OR52N5: variants seen among roughly 807,000 people sequenced by gnomAD.
The protein encoded by OR52N5 is olfactory receptor family 52 subfamily N member 5, also known as olfactory receptor 52N5.
Under a neutral mutation model 14.1 loss-of-function variants are expected in OR52N5, and 10 were observed. The ratio of observed to expected loss-of-function variants is 0.71; its 90% CI spans 0.44 to 1.20. OR52N5 has a LOEUF of 1.20. Among genes scored for constraint, OR52N5 ranks in the 50% most tolerant of loss-of-function variants. OR52N5 has a pLI of 0.00. For synonymous variants in OR52N5, 116 were observed against 143.0 expected (o/e 0.81, Z 1.35); for missense variants, 361 against 403.2 (o/e 0.90, Z 0.90).
chr11:5,782,980 C>G lies in OR52N5; in HGVS notation c.-248+315G>C, dbSNP rs780442003. ...ACAGTAAAGTTCTTACTGTCCACTTCTCTGACCCTGGCATTACAGCACATA... is the reference window on the plus strand; with the variant it reads ...ACAGTAAAGTTCTTACTGTCCACTTGTCTGACCCTGGCATTACAGCACATA... On this transcript the variant is annotated intron_variant, in intron 1 of 2. Coordinates refer to ENST00000641181, the MANE Select transcript of OR52N5 (RefSeq NM_001385662.1). Among the ~76,000 whole-genome samples, 13 of 138,068 alleles carry G rather than the reference C, an allele frequency of 9.4e-5. 4 individuals carry two copies. The highest frequency in any genetic ancestry group is 1.8e-4 in the Non-Finnish European group (11 of 62,812). The allele number at this position is 138,068 out of a possible 152,430, so 90.6% of individuals were successfully genotyped here. A position where few individuals can be genotyped will look rare whatever the true frequency, so the allele number is the denominator to read the frequency against.
At position 5,776,282 on chromosome 11, in the gene OR52N5, G is replaced by A. The variant is rs187786432; in HGVS notation, c.*1378C>T. 449 of 140,036 alleles carry A rather than the reference G, an allele frequency of 3.2e-3. 70 individuals carry two copies. The highest frequency in any genetic ancestry group is 0.011 in the African/African-American group (424 of 38,422). 8.7% of individuals were successfully genotyped at this position (140,036 alleles called of 1,614,324 possible). ...GGAAATGAAATAACTAACAAATGAA[G>A]CATGAATGAATGAATCAGTGAATCA... On this transcript the variant is annotated 3_prime_UTR_variant, in exon 3 of 3. Transcript: ENST00000641181.
Position 5,778,100 on chromosome 11 carries a change from G to C in OR52N5, c.535C>G (p.Gln179Glu), listed in dbSNP as rs548793190. The C allele has an allele frequency of 9.9e-6, 15 of 1,519,546 alleles. 3 individuals are homozygous for C. In the South Asian group the frequency reaches 1.7e-4, roughly 18 times the overall value. The allele number at this position is 1,519,546 out of a possible 1,614,324, so 94.1% of individuals were successfully genotyped here. The change falls in exon 3 of 3, where the codon CAA becomes GAA. Residue 179 changes from glutamine (Q) to glutamate (E), a missense_variant. By Grantham distance (29) the Gln-to-Glu change is conservative. Coordinates refer to ENST00000641181, the MANE Select transcript of OR52N5 (RefSeq NM_001385662.1). ...TACGTATGGGAGATAATATTGCTTT[G>C]GCAGAAAGGCAAACGCTTAACCAAG... The part of the protein sequence containing the change: ...PFLVKRLPFC[Q>E]SNIISHTYCD...
chr11:5,778,440 A>T lies in OR52N5; in HGVS notation c.195T>A (p.His65Gln), dbSNP rs1198335138. 6.6e-7 allele frequency: 1 copy of T among 1,512,318 alleles called. No homozygotes were observed. Among genetic ancestry groups the T allele is most frequent in the South Asian group, 1.2e-5 (1 of 85,644 alleles). 93.7% of individuals were successfully genotyped at this position (1,512,318 alleles called of 1,614,324 possible). Residue 65 changes from histidine (H) to glutamine (Q), a missense_variant, in exon 3 of 3, where the codon CAT becomes CAA. Transcript: ENST00000641181. ...YLIYYEESLH[H>Q]PMYFFFGHAL... ...CATGGCCAAAAAAAAAATACATCGG[A>T]TGATGTAAGGACTCCTCATAATAAA...
Position 5,778,116 on chromosome 11 carries a change from C to G in OR52N5, c.519G>C (p.Lys173Asn). ...TATTGCTTTGGCAGAAAGGCAAACG[C>G]TTAACCAAGAATGGGAAAGGAATCA... is the stretch of plus-strand genomic sequence containing the variant. ...LLMIPFPFLV[K>N]RLPFCQSNII... is the part of the protein sequence containing the mutation. The change falls in exon 3 of 3, where the codon AAG becomes AAC. Residue 173 changes from lysine to asparagine, a missense_variant. Transcript: ENST00000641181. 3 of 1,521,194 alleles carry G rather than the reference C, an allele frequency of 2.0e-6. No homozygotes were observed. The highest frequency in any genetic ancestry group is 1.8e-6 in the Non-Finnish European group (2 of 1,114,404). 94.2% of individuals were successfully genotyped at this position (1,521,194 alleles called of 1,614,324 possible).
chr11:5,782,857 G>A (rs768001818), intron 1 of OR52N5, among the ~76,000 whole-genome samples: 1 of 139,046 alleles, frequency 7.2e-6, no homozygotes, highest in South Asian at 2.4e-4. Context: ...ACTCCAAGTT[G>A]TATGACCCAA....
At position 5,778,364 on chromosome 11, in the gene OR52N5, G is replaced by A; in HGVS notation, c.271C>T (p.Leu91Phe). 1 of 1,520,316 alleles carries A rather than the reference G, an allele frequency of 6.6e-7. No individual in the cohort carries two copies. Among genetic ancestry groups the A allele is most frequent in the Non-Finnish European group, 9.0e-7 (1 of 1,114,252 alleles). The allele number at this position is 1,520,316 out of a possible 1,614,324, so 94.2% of individuals were successfully genotyped here. The change falls in exon 3 of 3, where the codon CTC becomes TTC. Residue 91 changes from leucine to phenylalanine, a missense_variant. Physicochemically the swap from Leu to Phe is conservative, Grantham distance 22. Transcript: ENST00000641181. ...LTCTTTLPNA[L>F]CIFWFSLKEI... The stretch of plus-strand genomic sequence containing the variant: ...TTGAGACTGAACCAGAAGATGCAGA[G>A]TGCATTGGGTAGAGTGGTGGTGCAG...
chr11:5,778,124 A>G lies in OR52N5; in HGVS notation c.511T>C (p.Leu171=), dbSNP rs1267181500. 1.3e-6 allele frequency: 2 copies of G among 1,521,380 alleles called. No homozygotes were observed. The highest frequency in any genetic ancestry group is 1.2e-5 in the South Asian group (1 of 85,872). The allele number at this position is 1,521,380 out of a possible 1,614,324, so 94.2% of individuals were successfully genotyped here. The change falls in exon 3 of 3, where the codon TTG becomes CTG. Residue 171 remains leucine (L), a synonymous_variant. Transcript: ENST00000641181. ...GVLLMIPFPF[L]VKRLPFCQSN... The stretch of plus-strand genomic sequence containing the variant: ...TGGCAGAAAGGCAAACGCTTAACCA[A>G]GAATGGGAAAGGAATCATCAGCAAT...
rs1328362036 is a variant in OR52N5, at chr11:5,778,005, C to A, written c.630G>T (p.Met210Ile). The A allele has an allele frequency of 2.6e-6, 4 of 1,520,352 alleles. 1 individual carries two copies. Among genetic ancestry groups the A allele is most frequent in the East Asian group, 2.3e-5 (1 of 42,860 alleles). 94.2% of individuals were successfully genotyped at this position (1,520,352 alleles called of 1,614,324 possible). The change falls in exon 3 of 3, where the codon ATG (methionine) becomes ATT (isoleucine). Residue 210 changes from methionine (M) to isoleucine (I), a missense_variant. Met to Ile is a conservative substitution (Grantham distance 10, BLOSUM62 1). Coordinates refer to ENST00000641181, the MANE Select transcript of OR52N5 (RefSeq NM_001385662.1). ...CAAACACTCCAATCAGGAGAGCAAC[C>A]ATTAGACCATAGATTACATTGACCT... ...SIKVNVIYGL[M>I]VALLIGVFDI... is the part of the protein sequence containing the mutation.
Position 5,778,556 on chromosome 11 carries a change from C to T in OR52N5, c.79G>A (p.Gly27Ser), listed in dbSNP as rs1315525707. 1 of 1,498,772 alleles carries T rather than the reference C, an allele frequency of 6.7e-7. No individual in the cohort carries two copies. The highest frequency in any genetic ancestry group is 9.1e-7 in the Non-Finnish European group (1 of 1,095,748). 92.8% of individuals were successfully genotyped at this position (1,498,772 alleles called of 1,614,324 possible). A position where few individuals can be genotyped will look rare whatever the true frequency, so the allele number is the denominator to read the frequency against. Residue 27 changes from glycine to serine, a missense_variant, in exon 3 of 3, where the codon GGT (glycine) becomes AGT (serine). By Grantham distance (56) the Gly-to-Ser change is moderately conservative (BLOSUM62 0). Transcript: ENST00000641181. ...ATCCATACATGTACTCTTTCCAGACCAGGTATTCCATTAAGAATAAAAGAT... is the reference window on the plus strand; with the variant it reads ...ATCCATACATGTACTCTTTCCAGACTAGGTATTCCATTAAGAATAAAAGAT... ...PPSFILNGIP[G>S]LERVHVWISL...
chr11:5,782,077 T>C lies in OR52N5; in HGVS notation c.-247-321A>G, dbSNP rs548921186. 3.6e-5 allele frequency among the ~76,000 whole-genome samples: 5 copies of C among 140,816 alleles called. 1 individual carries two copies. The highest frequency in any genetic ancestry group is 2.2e-4 in the Admixed American group (3 of 13,708). 92.4% of individuals were successfully genotyped at this position (140,816 alleles called of 152,430 possible). A position where few individuals can be genotyped will look rare whatever the true frequency, so the allele number is the denominator to read the frequency against. ...CTCTTATGCTATTTTATCTTTTCTG[T>C]TGTTGCTCTAAAATGTTTTCCCAGA... is the stretch of plus-strand genomic sequence containing the variant. On this transcript the variant is annotated intron_variant, in intron 1 of 2. Coordinates refer to ENST00000641181, the MANE Select transcript of OR52N5 (RefSeq NM_001385662.1).
chr11:5,779,132 T>C lies in OR52N5; in HGVS notation c.-23-475A>G, dbSNP rs1477051579. Reference sequence around the variant, plus strand: ...GAAGATTATGGTTATTTCTACCAAATAGCACATTATTCATATTTCAGTTTT... The same window carrying C: ...GAAGATTATGGTTATTTCTACCAAACAGCACATTATTCATATTTCAGTTTT... On this transcript the variant is annotated intron_variant, in intron 2 of 2. Coordinates refer to ENST00000641181, the MANE Select transcript of OR52N5 (RefSeq NM_001385662.1). Among the ~76,000 whole-genome samples the C allele has an allele frequency of 7.8e-5, 11 of 140,310 alleles. 2 individuals are homozygous for C. The highest frequency in any genetic ancestry group is 1.6e-4 in the African/African-American group (6 of 38,282). 92.0% of individuals were successfully genotyped at this position (140,310 alleles called of 152,430 possible).
rs1854503639 is a variant in OR52N5 at position 5,777,443 on chromosome 11, A to C, written c.*217T>G. ...AATTTAAATAAATTGAGTTAAACTCATTTTTTAAAAACTGGCAATAGACAA... is the reference window on the plus strand; with the variant it reads ...AATTTAAATAAATTGAGTTAAACTCCTTTTTTAAAAACTGGCAATAGACAA... On this transcript the variant is annotated 3_prime_UTR_variant, in exon 3 of 3. Transcript: ENST00000641181. 3.1e-6 allele frequency: 1 copy of C among 318,638 alleles called. No individual in the cohort carries two copies. The highest frequency in any genetic ancestry group is 2.3e-5 in the African/African-American group (1 of 43,522). 19.7% of individuals were successfully genotyped at this position (318,638 alleles called of 1,614,324 possible). A position where few individuals can be genotyped will look rare whatever the true frequency, so the allele number is the denominator to read the frequency against.
rs373636703 is a variant in OR52N5 at position 5,777,629 on chromosome 11, C to T, written c.*31G>A. The stretch of plus-strand genomic sequence containing the variant: ...TTATTCTTTGTTATTTTTCATTTAT[C>T]TTTCTTCCATCTGAATTAAGTTGCC... On this transcript the variant is annotated 3_prime_UTR_variant, in exon 3 of 3. Coordinates refer to ENST00000641181, the MANE Select transcript of OR52N5 (RefSeq NM_001385662.1). The T allele has an allele frequency of 1.9e-5, 26 of 1,346,664 alleles. 3 individuals are homozygous for T. In the African/African-American group the frequency reaches 3.7e-4, roughly 19 times the overall value. 83.4% of individuals were successfully genotyped at this position (1,346,664 alleles called of 1,614,324 possible).
Position 5,777,583 on chromosome 11 carries a change from T to A in OR52N5, c.*77A>T. On this transcript the variant is annotated 3_prime_UTR_variant, in exon 3 of 3. Coordinates refer to ENST00000641181, the MANE Select transcript of OR52N5 (RefSeq NM_001385662.1). ...ATGTATGATACTACACATGAATAAATGTAAAATATCACACGTAAGTTTATT... is the reference window on the plus strand; with the variant it reads ...ATGTATGATACTACACATGAATAAAAGTAAAATATCACACGTAAGTTTATT... 8.2e-6 allele frequency: 9 copies of A among 1,103,096 alleles called. No homozygotes were observed. The highest frequency in any genetic ancestry group is 1.1e-5 in the Non-Finnish European group (9 of 791,294). The allele number at this position is 1,103,096 out of a possible 1,614,324, so 68.3% of individuals were successfully genotyped here.
At position 5,776,555 on chromosome 11, in the gene OR52N5, A is replaced by T. The variant is rs1854495242; in HGVS notation, c.*1105T>A. Reference sequence around the variant, plus strand: ...GATTATCAACATAGACAAGACACTTAAGGACTCTTTCAAAGTTTAAGAATA... The same window carrying T: ...GATTATCAACATAGACAAGACACTTTAGGACTCTTTCAAAGTTTAAGAATA... On this transcript the variant is annotated 3_prime_UTR_variant, in exon 3 of 3. Coordinates refer to ENST00000641181, the MANE Select transcript of OR52N5 (RefSeq NM_001385662.1). 1 of 140,938 alleles carries T rather than the reference A, an allele frequency of 7.1e-6. No individual in the cohort carries two copies. The highest frequency in any genetic ancestry group is 2.6e-5 in the African/African-American group (1 of 38,564). The allele number at this position is 140,938 out of a possible 1,614,324, so 8.7% of individuals were successfully genotyped here. A position where few individuals can be genotyped will look rare whatever the true frequency, so the allele number is the denominator to read the frequency against.
chr11:5,777,734 C>T lies in OR52N5; in HGVS notation c.901G>A (p.Val301Ile). 6.6e-7 allele frequency: 1 copy of T among 1,516,480 alleles called. No individual in the cohort carries two copies. The highest frequency in any genetic ancestry group is 1.4e-5 in the African/African-American group (1 of 69,950). The allele number at this position is 1,516,480 out of a possible 1,614,324, so 93.9% of individuals were successfully genotyped here. A position where few individuals can be genotyped will look rare whatever the true frequency, so the allele number is the denominator to read the frequency against. Residue 301 changes from valine (V) to isoleucine (I), a missense_variant, in exon 3 of 3, where the codon GTT becomes ATT. Val to Ile is a conservative substitution (Grantham distance 29). Coordinates refer to ENST00000641181, the MANE Select transcript of OR52N5 (RefSeq NM_001385662.1). ...ATCTGTTTTGTCTTTACTCCATAAA[C>T]AATAGGGTTTAGAGTTGGGGGAAGA... ...LLLPPTLNPI[V>I]YGVKTKQIRK... is the part of the protein sequence containing the mutation.
rs1247645100 is a variant in OR52N5 at position 5,778,359 on chromosome 11, G to A, written c.276C>T (p.Cys92=). 1 of 1,520,220 alleles carries A rather than the reference G, an allele frequency of 6.6e-7. No homozygotes were observed. The highest frequency in any genetic ancestry group is 1.4e-5 in the African/African-American group (1 of 69,808). 94.2% of individuals were successfully genotyped at this position (1,520,220 alleles called of 1,614,324 possible). Residue 92 remains cysteine (C), a synonymous_variant, in exon 3 of 3, where the codon TGC becomes TGT. Transcript: ENST00000641181. ...TCTTTLPNAL[C]IFWFSLKEIN... is the part of the protein sequence containing the mutation. ...TTTCTTTGAGACTGAACCAGAAGATGCAGAGTGCATTGGGTAGAGTGGTGG... is the reference window on the plus strand; with the variant it reads ...TTTCTTTGAGACTGAACCAGAAGATACAGAGTGCATTGGGTAGAGTGGTGG...
intron 1 of OR52N5, among the ~76,000 whole-genome samples, chr11:5,782,767 G>A (rs1854558514): frequency 7.2e-6 from 1 of 138,368 alleles, no homozygotes; most frequent in South Asian, 2.4e-4. Flanking sequence ...GGCCAAATCT[G>A]CCACCTATTT....
chr11:5,780,744 T>C lies in OR52N5; in HGVS notation c.-24+789A>G, dbSNP rs1213458196. On this transcript the variant is annotated intron_variant, in intron 2 of 2. Coordinates refer to ENST00000641181, the MANE Select transcript of OR52N5 (RefSeq NM_001385662.1). ...AAAAGAAAGCCCAGAAAAAAGCCCA[T>C]ATATCTACAGCCAAAAAATTTTCAG... is the stretch of plus-strand genomic sequence containing the variant. Among the ~76,000 whole-genome samples, 3 of 139,042 alleles carry C rather than the reference T, an allele frequency of 2.2e-5. 1 individual carries two copies. Among genetic ancestry groups the C allele is most frequent in the Non-Finnish European group, 4.8e-5 (3 of 63,024 alleles). 91.2% of individuals were successfully genotyped at this position (139,042 alleles called of 152,430 possible).
Sources: gnomAD v4.1 joint callset for allele counts (sites outside exome capture counted in the v4.1 genomes callset) on GRCh38, gnomAD v4.1.1 for gene constraint, MANE v1.5 for transcripts, NCBI Gene and HGNC (gene_info 2026-07-23, HGNC 2026-07-21) for gene names.